The following NAA11 variants were observed in gnomAD, a reference collection of about 807,000 sequenced individuals.
NAA11 encodes N-alpha-acetyltransferase 11.
A neutral mutation model predicts 16.1 loss-of-function variants in NAA11; 15 were observed. That is an observed-to-expected ratio of 0.93 (90% CI 0.62 to 1.44). The LOEUF (loss-of-function observed/expected upper bound fraction) is 1.44, where lower values mean the gene tolerates loss of function less well. NAA11 is among the 40% of genes most tolerant of loss of function. The pLI, the probability that NAA11 is intolerant of heterozygous loss-of-function variation, is 0.00. For synonymous variants in NAA11, 122 were observed against 112.4 expected, an observed-to-expected ratio of 1.09 and a Z score of -0.54; for missense variants, 298 against 291.3, an observed-to-expected ratio of 1.02 and a Z score of -0.17.
At chr4:79,183,683 T>C in the NAA11 span, among the ~76,000 whole-genome samples, 1 of 152,088 alleles carries the variant, frequency 6.6e-6, no homozygotes, top group Non-Finnish European at 1.5e-5. Context: ...GCTTTTATTC[T>C]GCCTGTCATC....
At chr4:79,269,657 G>A (rs1361713513) in intron 2 of NAA11, among the ~76,000 whole-genome samples, 1 of 147,666 alleles carries the variant, frequency 6.8e-6, no homozygotes, top group African/African-American at 2.5e-5. Flanking sequence ...TAGGTTGCCT[G>A]TTCACTCTGA....
At chr4:79,293,437 C>T (rs1232129398) in intron 2 of NAA11, among the ~76,000 whole-genome samples, 1 of 152,128 alleles carries the variant, frequency 6.6e-6, no homozygotes, top group East Asian at 1.9e-4. Context: ...TTAAAATGGA[C>T]AGACACTGCT....
At chr4:79,216,457 T>G in the NAA11 span, among the ~76,000 whole-genome samples, 1 of 152,106 alleles carries the variant, frequency 6.6e-6, no homozygotes, top group Non-Finnish European at 1.5e-5. Context: ...AGTCAAAGTT[T>G]ATTTTTTAAT....
chr4:79,269,625 G>T (rs1195273640), intron 2 of NAA11, among the ~76,000 whole-genome samples: 2 of 149,294 alleles, frequency 1.3e-5, no homozygotes, highest in South Asian at 4.3e-4. Flanking sequence ...TGAGTAGGTT[G>T]TGAAAATTTT....
chr4:79,203,276 A>C, the NAA11 span, among the ~76,000 whole-genome samples: 1 of 151,918 alleles, frequency 6.6e-6, no homozygotes, highest in South Asian at 2.1e-4. Flanking sequence ...AATATATTCT[A>C]AACTCTGAAG....
At chr4:79,192,035 G>C in the NAA11 span, among the ~76,000 whole-genome samples, 15 of 152,192 alleles carry the variant, frequency 9.9e-5, no homozygotes, top group African/African-American at 3.6e-4. Flanking sequence ...TGTTTCATTG[G>C]TCTATGTGCC....
chr4:79,323,092 T>C (rs1271370485), intron 1 of NAA11, among the ~76,000 whole-genome samples: 1 of 152,236 alleles, frequency 6.6e-6, no homozygotes, highest in Admixed American at 6.5e-5. Flanking sequence ...AATATTTTTA[T>C]GAATGAGTAG....
chr4:79,192,202 T>C, the NAA11 span, among the ~76,000 whole-genome samples: 13 of 152,178 alleles, frequency 8.5e-5, no homozygotes, highest in East Asian at 1.9e-4. Context: ...AAAATTGTTT[T>C]TTTCTAGCTC....
At chr4:79,293,564 G>C (rs921049663) in intron 2 of NAA11, among the ~76,000 whole-genome samples, 20 of 152,252 alleles carry the variant, frequency 1.3e-4, no homozygotes, top group East Asian at 3.9e-4. Flanking sequence ...AATTATTCAA[G>C]CTTATATGGC....
chr4:79,251,318 C>A (rs1268609310), intron 2 of NAA11, among the ~76,000 whole-genome samples: 1 of 152,150 alleles, frequency 6.6e-6, no homozygotes, highest in African/African-American at 2.4e-5. Flanking sequence ...AGATCATGTT[C>A]TTTGCAGCAA....
At chr4:79,241,714 C>T (rs1721699538) in intron 2 of NAA11, among the ~76,000 whole-genome samples, 1 of 152,146 alleles carries the variant, frequency 6.6e-6, no homozygotes, top group African/African-American at 2.4e-5. Context: ...GGGACTATGT[C>T]TCTCCTCATT....
At chr4:79,276,571 A>G (rs1343941142) in intron 2 of NAA11, among the ~76,000 whole-genome samples, 6 of 152,138 alleles carry the variant, frequency 3.9e-5, no homozygotes, top group Non-Finnish European at 7.4e-5. Context: ...AGAACTTTCA[A>G]GAGCTTACCA....
At chr4:79,286,284 T>C (rs1349782938) in intron 2 of NAA11, among the ~76,000 whole-genome samples, 1 of 152,058 alleles carries the variant, frequency 6.6e-6, no homozygotes, top group East Asian at 1.9e-4. Flanking sequence ...GTATACAAAT[T>C]GTGACACAGT....
At chr4:79,220,846 T>A (rs1721174708), downstream of NAA11, among the ~76,000 whole-genome samples, 1 of 152,166 alleles carries the variant, frequency 6.6e-6, no homozygotes, top group Admixed American at 6.6e-5. Flanking sequence ...AGGATTGACT[T>A]GGCGATGTGG....
At chr4:79,325,147 G>A (rs373179738) in intron 1 of NAA11, 29 bp downstream of exon 1, 28 of 1,523,950 alleles carry the variant, frequency 1.8e-5, no homozygotes, top group African/African-American at 1.8e-4. Context: ...TTAGGAGAAG[G>A]GGGTACTGGG....
chr4:79,231,793 A>C (rs745857643), intron 2 of NAA11, among the ~76,000 whole-genome samples: 1 of 151,824 alleles, frequency 6.6e-6, no homozygotes, highest in Admixed American at 6.6e-5. Flanking sequence ...GTTTACAGGA[A>C]ATACAAGGCA....
At chr4:79,237,840 G>C (rs531268144) in intron 2 of NAA11, among the ~76,000 whole-genome samples, 4 of 152,146 alleles carry the variant, frequency 2.6e-5, no homozygotes, top group African/African-American at 7.2e-5. Context: ...ATGTGATCCC[G>C]TAATTTGTAT....
At chr4:79,261,220 G>C (rs1722238260) in intron 2 of NAA11, among the ~76,000 whole-genome samples, 1 of 152,110 alleles carries the variant, frequency 6.6e-6, no homozygotes, top group Non-Finnish European at 1.5e-5. Flanking sequence ...GATGACATTG[G>C]AAAATTTGGG....
At chr4:79,240,555 C>T (rs571669455) in intron 2 of NAA11, among the ~76,000 whole-genome samples, 6 of 152,126 alleles carry the variant, frequency 3.9e-5, no homozygotes, top group South Asian at 2.1e-4. Context: ...CTTTGCATTT[C>T]GGTTGTTTAT....
Sources: allele counts gnomAD v4.1 joint callset (sites outside exome capture counted in the v4.1 genomes callset), GRCh38; gene constraint gnomAD v4.1.1; transcripts MANE v1.5; gene names NCBI Gene and HGNC (gene_info 2026-07-23, HGNC 2026-07-21).